MPLKIP: variants seen among roughly 807,000 people sequenced by gnomAD.
MPLKIP encodes the protein M-phase specific PLK1 interacting protein.
Under a neutral mutation model 16.9 loss-of-function variants are expected in MPLKIP, and 16 were observed. The observed-to-expected ratio is 0.94, with a 90% confidence interval of 0.64 to 1.43. The LOEUF is 1.43. MPLKIP is among the 40% of genes most tolerant of loss of function. The pLI is 0.00. For missense variants in MPLKIP, 282 were observed against 237.6 expected (o/e 1.19, Z -1.23); for synonymous variants, 126 against 98.4 (o/e 1.28, Z -1.66).
Position 40,132,873 on chromosome 7 carries a change from A to C in MPLKIP, c.*186T>G. The C allele has an allele frequency of 3.2e-6, 2 of 620,428 alleles. No homozygotes were observed. Among genetic ancestry groups the C allele is most frequent in the Non-Finnish European group, 5.7e-6 (2 of 351,008 alleles). 38.4% of individuals were successfully genotyped at this position (620,428 alleles called of 1,614,324 possible). On this transcript the variant is annotated 3_prime_UTR_variant, in exon 2 of 2. Transcript: ENST00000306984. The stretch of plus-strand genomic sequence containing the variant: ...ATGTGGTAGGTACTTCCAGAGCTAA[A>C]TGTTGCAAGTTATCCTACTTTTTTC...
Position 40,127,604 on chromosome 7 carries a change from T to C in MPLKIP, c.*5455A>G, listed in dbSNP as rs1787408624. 1 of 152,032 alleles carries C rather than the reference T, an allele frequency of 6.6e-6. No homozygotes were observed. The highest frequency in any genetic ancestry group is 1.5e-5 in the Non-Finnish European group (1 of 68,018). 9.4% of individuals were successfully genotyped at this position (152,032 alleles called of 1,614,324 possible). On this transcript the variant is annotated 3_prime_UTR_variant, in exon 2 of 2. Coordinates refer to ENST00000306984, the MANE Select transcript of MPLKIP (RefSeq NM_138701.4). ...ATCAAACTAAGACATGTATTTAACA[T>C]CTCTGAAATTAAGATGTATCTTATA...
At position 40,134,301 on chromosome 7, in the gene MPLKIP, G is replaced by A; in HGVS notation, c.267C>T (p.Ser89=). The change falls in exon 1 of 2, where the codon TCC becomes TCT. Residue 89 remains serine, a synonymous_variant. Coordinates refer to ENST00000306984, the MANE Select transcript of MPLKIP (RefSeq NM_138701.4). ...GSPSPGGYPG[S]YSRSPAGSQQ... ...GGGACCCCGCGGGGGACCTGGAGTA[G>A]GAGCCAGGGTAGCCGCCAGGGGACG... The A allele has an allele frequency of 1.9e-6, 3 of 1,558,288 alleles. No individual in the cohort carries two copies. Among genetic ancestry groups the A allele is most frequent in the African/African-American group, 2.7e-5 (2 of 73,640 alleles).
intron 1 of MPLKIP, 38 bp from the exon 2 acceptor site, chr7:40,133,297 A>G: frequency 1.9e-6 from 3 of 1,561,478 alleles, no homozygotes; most frequent in Non-Finnish European, 2.6e-6. Flanking sequence ...CACTTAGTAA[A>G]GATAATTGGT....
rs1038447305 is a variant in MPLKIP, at chr7:40,130,997, T to C, written c.*2062A>G. The C allele has an allele frequency of 6.6e-6, 1 of 152,222 alleles. No homozygotes were observed. Among genetic ancestry groups the C allele is most frequent in the Non-Finnish European group, 1.5e-5 (1 of 68,036 alleles). 9.4% of individuals were successfully genotyped at this position (152,222 alleles called of 1,614,324 possible). On this transcript the variant is annotated 3_prime_UTR_variant, in exon 2 of 2. Transcript: ENST00000306984. ...ATGAGAAAGTAACAGCTACCACTTATTGAGTGCTTACTATGTGCCAGGCTC... is the reference window on the plus strand; with the variant it reads ...ATGAGAAAGTAACAGCTACCACTTACTGAGTGCTTACTATGTGCCAGGCTC...
rs1423885176 is a variant in MPLKIP, at chr7:40,130,804, G to A, written c.*2255C>T. 6.6e-6 allele frequency: 1 copy of A among 152,138 alleles called. No individual in the cohort carries two copies. Among genetic ancestry groups the A allele is most frequent in the Non-Finnish European group, 1.5e-5 (1 of 68,010 alleles). 9.4% of individuals were successfully genotyped at this position (152,138 alleles called of 1,614,324 possible). ...TGGAAAGACATAATGTTGGGAATAA[G>A]GACTTTTTCTTTAAAATACTGGGGA... On this transcript the variant is annotated 3_prime_UTR_variant, in exon 2 of 2. Transcript: ENST00000306984.
In MPLKIP at chr7:40,126,972, A is replaced by AT. The variant is rs1348906584; in HGVS notation, c.*6086dup. 5.8e-3 allele frequency: 785 copies of AT among 134,942 alleles called. 4 individuals carry two copies. Among genetic ancestry groups the AT allele is most frequent in the Middle Eastern group, 0.022 (5 of 228 alleles). 8.4% of individuals were successfully genotyped at this position (134,942 alleles called of 1,614,324 possible). A position where few individuals can be genotyped will look rare whatever the true frequency, so the allele number is the denominator to read the frequency against. On this transcript the variant is annotated 3_prime_UTR_variant, in exon 2 of 2. Transcript: ENST00000306984. The stretch of plus-strand genomic sequence containing the variant: ...CAGGCGCCCGCCACCATGCCTGGCT[A>AT]TTTTTTTTTTTTTATTTTTAGTAGA...
Position 40,131,703 on chromosome 7 carries a change from A to C in MPLKIP, c.*1356T>G, listed in dbSNP as rs1184120840. ...TCTATTCAAAATACAAAAATGAGCCAGGCGCGTGCCTGTATTCCCAGCTAC... is the reference window on the plus strand; with the variant it reads ...TCTATTCAAAATACAAAAATGAGCCCGGCGCGTGCCTGTATTCCCAGCTAC... On this transcript the variant is annotated 3_prime_UTR_variant, in exon 2 of 2. Coordinates refer to ENST00000306984, the MANE Select transcript of MPLKIP (RefSeq NM_138701.4). 2.0e-5 allele frequency: 3 copies of C among 152,154 alleles called. No individual in the cohort carries two copies. Among genetic ancestry groups the C allele is most frequent in the Non-Finnish European group, 4.4e-5 (3 of 68,032 alleles). 9.4% of individuals were successfully genotyped at this position (152,154 alleles called of 1,614,324 possible).
chr7:40,127,941 G>C lies in MPLKIP; in HGVS notation c.*5118C>G, dbSNP rs994963093. The C allele has an allele frequency of 4.6e-5, 7 of 152,276 alleles. No individual in the cohort carries two copies. Among genetic ancestry groups the C allele is most frequent in the African/African-American group, 1.7e-4 (7 of 41,368 alleles). 9.4% of individuals were successfully genotyped at this position (152,276 alleles called of 1,614,324 possible). A position where few individuals can be genotyped will look rare whatever the true frequency, so the allele number is the denominator to read the frequency against. On this transcript the variant is annotated 3_prime_UTR_variant, in exon 2 of 2. Transcript: ENST00000306984. ...ACCTGTAATCCCATCTACTCAGGAG[G>C]CTAAGGCAGGAGAACTGCTTGAACC...
At chr7:40,133,314 TC>T in intron 1 of MPLKIP, 55 bp from the exon 2 acceptor site, 1 of 1,479,456 alleles carries the variant, frequency 6.8e-7, no homozygotes, top group Non-Finnish European at 9.4e-7. Flanking sequence ...TGGTACTTCT[TC>T]CTTTAGCTAA....
Position 40,134,598 on chromosome 7 carries a change from C to G in MPLKIP, c.-31G>C. The stretch of plus-strand genomic sequence containing the variant: ...GAGCCAAAGCCGAAAACCTCGCAGC[C>G]GCGTTCTCCCACCGGAACTGTATCA... On this transcript the variant is annotated 5_prime_UTR_variant, in exon 1 of 2. Transcript: ENST00000306984. 1.3e-6 allele frequency: 2 copies of G among 1,552,010 alleles called. No individual in the cohort carries two copies. Among genetic ancestry groups the G allele is most frequent in the Admixed American group, 1.9e-5 (1 of 51,928 alleles).
Position 40,128,675 on chromosome 7 carries a change from G to C in MPLKIP, c.*4384C>G, listed in dbSNP as rs1277770051. 6.6e-6 allele frequency: 1 copy of C among 152,240 alleles called. No homozygotes were observed. Among genetic ancestry groups the C allele is most frequent in the Non-Finnish European group, 1.5e-5 (1 of 68,130 alleles). The allele number at this position is 152,240 out of a possible 1,614,324, so 9.4% of individuals were successfully genotyped here. ...TCACGCCTGTAATCCCAGCACTTTG[G>C]GAGGCTGAGGCTGGGCAGATCATGA... On this transcript the variant is annotated 3_prime_UTR_variant, in exon 2 of 2. Coordinates refer to ENST00000306984, the MANE Select transcript of MPLKIP (RefSeq NM_138701.4).
At chr7:40,133,394 T>C in intron 1 of MPLKIP, 135 bp from the exon 2 acceptor site, 1 of 748,420 alleles carries the variant, frequency 1.3e-6, no homozygotes, top group East Asian at 2.6e-5. Context: ...AATTACAAAG[T>C]CCATGCTTCC....
At position 40,132,206 on chromosome 7, in the gene MPLKIP, T is replaced by A. The variant is rs1787473086; in HGVS notation, c.*853A>T. On this transcript the variant is annotated 3_prime_UTR_variant, in exon 2 of 2. Coordinates refer to ENST00000306984, the MANE Select transcript of MPLKIP (RefSeq NM_138701.4). ...TATGGTGATGTGTCCATGATTCAAG[T>A]TAATTAGGTCTCACTGTGGCCTTGG... is the stretch of plus-strand genomic sequence containing the variant. 1.3e-5 allele frequency: 2 copies of A among 152,218 alleles called. No homozygotes were observed. Among genetic ancestry groups the A allele is most frequent in the Admixed American group, 1.3e-4 (2 of 15,276 alleles). The allele number at this position is 152,218 out of a possible 1,614,324, so 9.4% of individuals were successfully genotyped here. A position where few individuals can be genotyped will look rare whatever the true frequency, so the allele number is the denominator to read the frequency against.
intron 1 of MPLKIP, among the ~76,000 whole-genome samples, 168 bp downstream of exon 1, chr7:40,134,061 T>C (rs895553265): frequency 6.6e-6 from 1 of 152,068 alleles, no homozygotes; most frequent in Non-Finnish European, 1.5e-5. Flanking sequence ...TTTCGGATAA[T>C]CTTCCGGAAG....
Position 40,133,243 on chromosome 7 carries a change from G to C in MPLKIP, c.356C>G (p.Ser119Cys). The C allele has an allele frequency of 6.2e-7, 1 of 1,613,170 alleles. No homozygotes were observed. Among genetic ancestry groups the C allele is most frequent in the Non-Finnish European group, 8.5e-7 (1 of 1,179,930 alleles). ...QTHPQGSPRT[S>C]TPFGSGRVRE... ...AACACGCCCTGATCCAAATGGTGTA[G>C]ATGTCCTTGGAGAACCCTTTAGAAA... Residue 119 changes from serine to cysteine, a missense_variant, in exon 2 of 2, where the codon TCT (serine) becomes TGT (cysteine). By Grantham distance (112) the Ser-to-Cys change is moderately radical. Coordinates refer to ENST00000306984, the MANE Select transcript of MPLKIP (RefSeq NM_138701.4).
chr7:40,131,554 T>C lies in MPLKIP; in HGVS notation c.*1505A>G, dbSNP rs1456928324. On this transcript the variant is annotated 3_prime_UTR_variant, in exon 2 of 2. Transcript: ENST00000306984. Reference sequence around the variant, plus strand: ...AAATACTAAAAATACTAAAAATACATGTTCTGGGCTGGGCACGGTGGCTCA... The same window carrying C: ...AAATACTAAAAATACTAAAAATACACGTTCTGGGCTGGGCACGGTGGCTCA... The C allele has an allele frequency of 6.7e-6, 1 of 150,224 alleles. No homozygotes were observed. The highest frequency in any genetic ancestry group is 1.5e-5 in the Non-Finnish European group (1 of 68,024). 9.3% of individuals were successfully genotyped at this position (150,224 alleles called of 1,614,324 possible).
At position 40,131,532 on chromosome 7, in the gene MPLKIP, T is replaced by TAAAAAA; in HGVS notation, c.*1526_*1527insTTTTTT. The TAAAAAA allele has an allele frequency of 6.9e-6, 1 of 145,916 alleles. No individual in the cohort carries two copies. Among genetic ancestry groups the TAAAAAA allele is most frequent in the African/African-American group, 2.8e-5 (1 of 35,564 alleles). The allele number at this position is 145,916 out of a possible 1,614,324, so 9.0% of individuals were successfully genotyped here. On this transcript the variant is annotated 3_prime_UTR_variant, in exon 2 of 2. Coordinates refer to ENST00000306984, the MANE Select transcript of MPLKIP (RefSeq NM_138701.4). ...CTGGTCAACATGGTGAAACTAAAAA[T>TAAAAAA]ACTAAAAATACTAAAAATACATGTT... is the stretch of plus-strand genomic sequence containing the variant.
In MPLKIP at chr7:40,134,388, C is replaced by T. The variant is rs1366954704; in HGVS notation, c.180G>A (p.Pro60=). The T allele has an allele frequency of 3.2e-6, 5 of 1,559,458 alleles. No individual in the cohort carries two copies. The highest frequency in any genetic ancestry group is 4.3e-6 in the Non-Finnish European group (5 of 1,153,406). The change falls in exon 1 of 2, where the codon CCG becomes CCA. Residue 60 remains proline, a synonymous_variant. Transcript: ENST00000306984. The part of the protein sequence containing the change: ...HTPPYGPRSR[P]YGSSHSPRHG... ...GTCGCGGAGAGTGACTGCTCCCGTA[C>T]GGCCTAGACCGGGGCCCGTACGGCG...
Position 40,128,917 on chromosome 7 carries a change from A to AG in MPLKIP, c.*4141_*4142insC, listed in dbSNP as rs1413116647. On this transcript the variant is annotated 3_prime_UTR_variant, in exon 2 of 2. Coordinates refer to ENST00000306984, the MANE Select transcript of MPLKIP (RefSeq NM_138701.4). ...GGTGACAGAACAAGACTTCGTCTCA[A>AG]AAAAAAAAAAAAAAAAAAAAGAATG... 1 of 148,848 alleles carries AG rather than the reference A, an allele frequency of 6.7e-6. No individual in the cohort carries two copies. The highest frequency in any genetic ancestry group is 2.4e-5 in the African/African-American group (1 of 40,900). 9.2% of individuals were successfully genotyped at this position (148,848 alleles called of 1,614,324 possible).
Sources: allele counts gnomAD v4.1 joint callset (sites outside exome capture counted in the v4.1 genomes callset), GRCh38; gene constraint gnomAD v4.1.1; transcripts MANE v1.5; gene names NCBI Gene and HGNC (gene_info 2026-07-23, HGNC 2026-07-21).